The following SIM2 variants were observed in gnomAD, a reference collection of about 807,000 sequenced individuals.
SIM2 encodes the protein single-minded homolog 2.
Under a neutral mutation model 64.8 loss-of-function variants are expected in SIM2, and 28 were observed. The observed-to-expected ratio is 0.43, with a 90% CI of 0.32 to 0.59. The LOEUF (loss-of-function observed/expected upper bound fraction) is 0.59. Ranked by LOEUF, SIM2 falls within the 20% of genes least tolerant of loss-of-function variation. The pLI, the probability that SIM2 is intolerant of heterozygous loss-of-function variation, is 0.07. For synonymous variants in SIM2, 408 were observed against 391.1 expected (o/e 1.04, Z -0.51); for missense variants, 847 against 871.4 (o/e 0.97, Z 0.35).
chr21:36,711,199 A>G (rs1015651875), intron 2 of SIM2, among the ~76,000 whole-genome samples: 5 of 152,154 alleles, frequency 3.3e-5, no homozygotes, highest in Non-Finnish European at 5.9e-5. Flanking sequence ...TCTTTTCCTC[A>G]TTATCCCAGA....
At chr21:36,727,086 G>A (rs1302813133) in intron 6 of SIM2, among the ~76,000 whole-genome samples, 1 of 152,142 alleles carries the variant, frequency 6.6e-6, no homozygotes, top group Non-Finnish European at 1.5e-5. Context: ...TGCCCAGGCT[G>A]GAATGCAATG....
chr21:36,724,733 T>C (rs2088867711), intron 5 of SIM2, among the ~76,000 whole-genome samples: 2 of 152,234 alleles, frequency 1.3e-5, no homozygotes, highest in Admixed American at 6.5e-5. Flanking sequence ...CTAAAGATGA[T>C]GAATGCATTC....
chr21:36,735,897 T>C (rs1213666458), intron 7 of SIM2, among the ~76,000 whole-genome samples: 1 of 152,182 alleles, frequency 6.6e-6, no homozygotes, highest in Non-Finnish European at 1.5e-5. Flanking sequence ...AGTGCTTTGG[T>C]GGCTGACAGC....
At position 36,699,803 on chromosome 21, in the gene SIM2, G is replaced by A; in HGVS notation, c.57G>A (p.Glu19=). ...CCAGGAGGGAGAAGGAAAATGGCGA[G>A]TTTTACGAGCTTGCCAAGCTGCTCC... ...AKTRREKENG[E]FYELAKLLPL... is the part of the protein sequence containing the mutation. Residue 19 remains glutamate, a synonymous_variant, in exon 1 of 11, where the codon GAG becomes GAA. Transcript: ENST00000290399. This position sits in a 1 kb window ranked among gnomAD's most constrained non-coding sequence, Gnocchi z 5.6. 1 of 1,612,704 alleles carries A rather than the reference G, an allele frequency of 6.2e-7. No homozygotes were observed. Among genetic ancestry groups the A allele is most frequent in the Non-Finnish European group, 8.5e-7 (1 of 1,179,388 alleles).
chr21:36,709,174 G>A lies in SIM2; in HGVS notation c.182G>A (p.Gly61Glu). The stretch of plus-strand genomic sequence containing the variant: ...GCTTTCGTCCCTCGTCCAGGTTTAG[G>A]AGACGCGTGGGGACAGCCGAGCCGC... The part of the protein sequence containing the change: ...KMRAVFPEGL[G>E]DAWGQPSRAG... The change falls in exon 2 of 11, where the codon GGA (glycine) becomes GAA (glutamate). Residue 61 changes from glycine to glutamate, a missense_variant. Coordinates refer to ENST00000290399, the MANE Select transcript of SIM2 (RefSeq NM_005069.6). 1.2e-6 allele frequency: 2 copies of A among 1,608,976 alleles called. No individual in the cohort carries two copies. The highest frequency in any genetic ancestry group is 1.7e-6 in the Non-Finnish European group (2 of 1,178,346).
At chr21:36,744,311 C>CAAAAAAAAAA (rs60354140) in intron 9 of SIM2, among the ~76,000 whole-genome samples, 1 of 41,778 alleles carries the variant, frequency 2.4e-5, no homozygotes, top group East Asian at 8.6e-4. Context: ...CACATTATGA[C>CAAAAAAAAAA]AAAAAAAAAA....
chr21:36,743,231 G>A (rs2089186599), intron 8 of SIM2, among the ~76,000 whole-genome samples, 156 bp from the exon 9 acceptor site: 1 of 152,172 alleles, frequency 6.6e-6, no homozygotes, highest in Non-Finnish European at 1.5e-5. Flanking sequence ...TTTATAATGA[G>A]GGTGAGCTGG....
intron 7 of SIM2, among the ~76,000 whole-genome samples, chr21:36,734,022 C>T (rs1314162108): frequency 6.6e-6 from 1 of 152,110 alleles, no homozygotes; most frequent in South Asian, 2.1e-4. Flanking sequence ...TGCCCTTTTC[C>T]CAGGTGATCA....
chr21:36,746,312 CA>C (rs71326702), intron 10 of SIM2: 132 of 137,660 alleles, frequency 9.6e-4, no homozygotes, highest in South Asian at 9.2e-4. Flanking sequence ...GAGACTGTCT[CA>C]AAAAAAAAAA....
rs926349320 is a variant in SIM2 at position 36,749,215 on chromosome 21, T to C, written c.*1123T>C. ...ACTTTTTATGGGTTTTGCTTAAAGA[T>C]CTCAACATGGAAAAATCCTGTCATG... is the stretch of plus-strand genomic sequence containing the variant. On this transcript the variant is annotated 3_prime_UTR_variant, in exon 11 of 11. Coordinates refer to ENST00000290399, the MANE Select transcript of SIM2 (RefSeq NM_005069.6). 4.6e-5 allele frequency: 7 copies of C among 152,632 alleles called. No homozygotes were observed. The highest frequency in any genetic ancestry group is 1.7e-4 in the African/African-American group (7 of 41,450). The allele number at this position is 152,632 out of a possible 1,614,324, so 9.5% of individuals were successfully genotyped here. A position where few individuals can be genotyped will look rare whatever the true frequency, so the allele number is the denominator to read the frequency against.
intron 8 of SIM2, among the ~76,000 whole-genome samples, chr21:36,742,475 C>T (rs1177227033): frequency 6.6e-6 from 1 of 151,522 alleles, no homozygotes; most frequent in East Asian, 1.9e-4. Context: ...AGGAGCTGGT[C>T]TCGAACTCCT....
chr21:36,747,861 G>C lies in SIM2; in HGVS notation c.1773G>C (p.Ala591=). Residue 591 remains alanine (A), a synonymous_variant, in exon 11 of 11, where the codon GCG becomes GCC. Coordinates refer to ENST00000290399, the MANE Select transcript of SIM2 (RefSeq NM_005069.6). The surrounding 1 kb of genome is among the most constrained non-coding windows in gnomAD (Gnocchi z 4.5). ...CCCCGACCCCCGAGGCCCCGGGCGC[G>C]CCGGCGCAGCTGCCCTTCGTGCTGC... is the stretch of plus-strand genomic sequence containing the variant. The part of the protein sequence containing the change: ...CAPPTPEAPG[A]PAQLPFVLLN... The C allele has an allele frequency of 9.6e-7, 1 of 1,042,974 alleles. No individual in the cohort carries two copies. The highest frequency in any genetic ancestry group is 5.0e-5 in the Admixed American group (1 of 20,084). The allele number at this position is 1,042,974 out of a possible 1,614,324, so 64.6% of individuals were successfully genotyped here.
intron 6 of SIM2, among the ~76,000 whole-genome samples, chr21:36,727,674 C>G (rs1157376227): frequency 3.3e-5 from 5 of 152,108 alleles, no homozygotes; most frequent in Non-Finnish European, 7.4e-5. Context: ...TCAGAGACCC[C>G]GCTCCTGGCG....
In SIM2 at chr21:36,745,006, A is replaced by C. The variant is rs1289039189; in HGVS notation, c.1446A>C (p.Thr482=). ...PCEVARFFLS[T]LPASGECQWH... ...AGGTGGCACGCTTTTTCCTGAGCAC[A>C]CTGCCAGCCAGCGGTGAATGCCAGT... The change falls in exon 10 of 11, where the codon ACA becomes ACC. Residue 482 remains threonine (T), a synonymous_variant. Coordinates refer to ENST00000290399, the MANE Select transcript of SIM2 (RefSeq NM_005069.6). The surrounding 1 kb of genome is among the most constrained non-coding windows in gnomAD (Gnocchi z 4.8). The C allele has an allele frequency of 6.2e-7, 1 of 1,614,200 alleles. No individual in the cohort carries two copies. Among genetic ancestry groups the C allele is most frequent in the African/African-American group, 1.3e-5 (1 of 75,064 alleles).
intron 3 of SIM2, among the ~76,000 whole-genome samples, chr21:36,713,499 C>T (rs1159220843): frequency 9.9e-5 from 15 of 152,180 alleles, no homozygotes; most frequent in Admixed American, 9.8e-4. Flanking sequence ...AATATTTCTT[C>T]ACATTGTGTA....
At chr21:36,728,597 A>C (rs2088925412) in intron 6 of SIM2, among the ~76,000 whole-genome samples, 1 of 152,206 alleles carries the variant, frequency 6.6e-6, no homozygotes, top group African/African-American at 2.4e-5. Context: ...ACTTCTAGCA[A>C]AGCCTTGAGG....
intron 2 of SIM2, chr21:36,710,004 G>A (rs2088652650): frequency 6.3e-6 from 1 of 159,154 alleles, no homozygotes; most frequent in Non-Finnish European, 1.4e-5. Flanking sequence ...AATTTTTGTA[G>A]AGACAGGGTT....
At chr21:36,732,540 A>G (rs1050687178) in intron 7 of SIM2, among the ~76,000 whole-genome samples, 3 of 152,106 alleles carry the variant, frequency 2.0e-5, no homozygotes, top group Non-Finnish European at 2.9e-5. Flanking sequence ...TTCCCTCCCC[A>G]AATCTCTATG....
intron 2 of SIM2, 94 bp downstream of exon 2, chr21:36,709,344 C>T (rs1473925440): frequency 2.9e-6 from 3 of 1,018,532 alleles, no homozygotes; most frequent in Admixed American, 2.0e-5. Context: ...CCCAGGAGCG[C>T]CAGGCAGATC....
Sources: gnomAD v4.1 joint callset for allele counts (sites outside exome capture counted in the v4.1 genomes callset) on GRCh38, gnomAD v4.1.1 for gene constraint, Gnocchi (gnomAD v3.1) non-coding constraint, MANE v1.5 for transcripts, NCBI Gene and HGNC (gene_info 2026-07-23, HGNC 2026-07-21) for gene names.